FCHO2: variants seen among roughly 807,000 people sequenced by gnomAD.
FCHO2 encodes the protein F-BAR domain only protein 2.
Under a neutral mutation model 114.1 loss-of-function variants are expected in FCHO2, and 43 were observed. The ratio of observed to expected loss-of-function variants is 0.38; its 90% CI spans 0.30 to 0.49. The LOEUF (loss-of-function observed/expected upper bound fraction) is 0.49. Ranked by LOEUF, FCHO2 falls within the 20% of genes least tolerant of loss-of-function variation. The pLI, the probability that FCHO2 is intolerant of heterozygous loss-of-function variation, is 0.97. For missense variants in FCHO2, 807 were observed against 950.4 expected, an observed-to-expected ratio of 0.85 and a Z score of 1.98; for synonymous variants, 293 against 315.2, an observed-to-expected ratio of 0.93 and a Z score of 0.75.
intron 8 of FCHO2, among the ~76,000 whole-genome samples, chr5:73,031,774 G>A (rs1170639385): frequency 2.0e-5 from 3 of 152,162 alleles, no homozygotes; most frequent in Non-Finnish European, 2.9e-5. Flanking sequence ...TTAAAATAAT[G>A]TGTAAAAGAG....
chr5:73,058,778 A>G (rs976053817), intron 17 of FCHO2, among the ~76,000 whole-genome samples: 1 of 152,118 alleles, frequency 6.6e-6, no homozygotes, highest in African/African-American at 2.4e-5. Flanking sequence ...ATCATTATCC[A>G]AATAATAATT....
intron 19 of FCHO2, among the ~76,000 whole-genome samples, chr5:73,070,210 G>C (rs1742567376): frequency 6.6e-6 from 1 of 152,054 alleles, no homozygotes; most frequent in Non-Finnish European, 1.5e-5. Context: ...TTTAATTCCA[G>C]TTGATTTGTC....
intron 6 of FCHO2, among the ~76,000 whole-genome samples, chr5:73,009,433 G>A (rs1754883469): frequency 6.6e-6 from 1 of 152,202 alleles, no homozygotes; most frequent in Non-Finnish European, 1.5e-5. Context: ...AAAAAAGAGC[G>A]TTCAGCACAT....
At chr5:73,086,739 TC>T (rs1248734445) in intron 24 of FCHO2, among the ~76,000 whole-genome samples, 1 of 152,140 alleles carries the variant, frequency 6.6e-6, no homozygotes, top group African/African-American at 2.4e-5. Flanking sequence ...TTTGGTGACT[TC>T]CCATGGTTAC....
chr5:72,994,738 TAAAG>T (rs141814151), intron 5 of FCHO2, among the ~76,000 whole-genome samples: 258 of 152,328 alleles, frequency 1.7e-3, no homozygotes, highest in African/African-American at 5.5e-3. Flanking sequence ...TGACATTTGA[TAAAG>T]AAAATGTGGT....
At chr5:73,028,382 C>T (rs1450301426) in intron 8 of FCHO2, among the ~76,000 whole-genome samples, 1 of 152,070 alleles carries the variant, frequency 6.6e-6, no homozygotes, top group Non-Finnish European at 1.5e-5. Context: ...GGCATTTACC[C>T]AAGAGAAAAG....
rs1758011633 is a variant in FCHO2, at chr5:73,065,288, T to TG, written c.1449+1345dup. 2.0e-5 allele frequency among the ~76,000 whole-genome samples: 3 copies of TG among 148,932 alleles called. No homozygotes were observed. The South Asian group carries it at 6.5e-4, about 32-fold the overall frequency. ...GAACTTTGAGTACATTCTAATAAAT[T>TG]GATTTTTTTTTCCTGATTGTAAAAA... On this transcript the variant is annotated intron_variant, in intron 18 of 25. Transcript: ENST00000430046.
rs182871713 is a variant in FCHO2, at chr5:73,014,446, G to A, written c.601-1180G>A. Reference sequence around the variant, plus strand: ...TGGGATTACAGGCACGCGCCACCACGCCTGGCTAATTTTTTGTATTTTGAG... The same window carrying A: ...TGGGATTACAGGCACGCGCCACCACACCTGGCTAATTTTTTGTATTTTGAG... On this transcript the variant is annotated intron_variant, in intron 6 of 25. Coordinates refer to ENST00000430046, the MANE Select transcript of FCHO2 (RefSeq NM_138782.3). 3.8e-3 allele frequency among the ~76,000 whole-genome samples: 581 copies of A among 151,552 alleles called. 2 individuals are homozygous for A. The highest frequency in any genetic ancestry group is 0.013 in the African/African-American group (545 of 41,350).
intron 1 of FCHO2, among the ~76,000 whole-genome samples, chr5:72,964,634 C>T (rs1443355109): frequency 6.6e-6 from 1 of 152,102 alleles, no homozygotes. Context: ...GTGATCCACC[C>T]ACCTTGGCCT....
At chr5:72,976,026 G>T (rs543925897) in intron 2 of FCHO2, among the ~76,000 whole-genome samples, 41 of 152,202 alleles carry the variant, frequency 2.7e-4, no homozygotes, top group African/African-American at 8.4e-4. Context: ...TATATGGAAA[G>T]AATATGTTTA....
In FCHO2 at chr5:73,017,204, T is replaced by C. The variant is rs186041659; in HGVS notation, c.700-8T>C. On this transcript the variant is annotated splice_region_variant and splice_polypyrimidine_tract_variant and intron_variant, in intron 7 of 25. Coordinates refer to ENST00000430046, the MANE Select transcript of FCHO2 (RefSeq NM_138782.3). ...AAAGAAAAAGTTATCTTTATTTCAT[T>C]TTAATAGGTCCATGAAGAATTTATA... The C allele has an allele frequency of 5.2e-5, 74 of 1,430,916 alleles. 1 individual carries two copies. The African/African-American group carries it at 6.8e-4, about 13-fold the overall frequency. 88.6% of individuals were successfully genotyped at this position (1,430,916 alleles called of 1,614,324 possible). A position where few individuals can be genotyped will look rare whatever the true frequency, so the allele number is the denominator to read the frequency against.
rs1441952219 is a variant in FCHO2 at position 73,063,866 on chromosome 5, A to G, written c.1371A>G (p.Val457=). The G allele has an allele frequency of 3.7e-6, 6 of 1,611,876 alleles. No homozygotes were observed. Among genetic ancestry groups the G allele is most frequent in the Non-Finnish European group, 5.1e-6 (6 of 1,178,826 alleles). Residue 457 remains valine (V), a synonymous_variant, in exon 18 of 26, where the codon GTA becomes GTG. Transcript: ENST00000430046. ...SSARPTTPLS[V]GTIVPPPRPA... ...CCAGGCCCACAACTCCTCTTTCTGT[A>G]GGCACCATTGTCCCACCTCCGAGGC... is the stretch of plus-strand genomic sequence containing the variant.
chr5:72,990,358 C>A (rs543311422), intron 3 of FCHO2, 120 bp from the exon 4 acceptor site: 271 of 699,042 alleles, frequency 3.9e-4, no homozygotes, highest in Non-Finnish European at 5.7e-4. Context: ...ATTTTAATTT[C>A]ATCTTTTGCC....
At chr5:73,034,051 C>T (rs576559957) in intron 8 of FCHO2, among the ~76,000 whole-genome samples, 127 of 152,252 alleles carry the variant, frequency 8.3e-4, no homozygotes, top group African/African-American at 3.0e-3. Context: ...GTTCACATTC[C>T]TTGACCTGCT....
intron 11 of FCHO2, among the ~76,000 whole-genome samples, chr5:73,049,832 T>TTGTG (rs760914774): frequency 6.6e-6 from 1 of 151,828 alleles, no homozygotes; most frequent in East Asian, 1.9e-4. Context: ...TCTAAACAAA[T>TTGTG]TGTGTGTGTG....
At chr5:73,030,486 C>T (rs1170188449) in intron 8 of FCHO2, among the ~76,000 whole-genome samples, 1 of 152,218 alleles carries the variant, frequency 6.6e-6, no homozygotes, top group Non-Finnish European at 1.5e-5. Context: ...AATCCTATCC[C>T]AGTCCTACTG....
chr5:73,055,266 A>C (rs1757537535), intron 15 of FCHO2, among the ~76,000 whole-genome samples: 2 of 152,186 alleles, frequency 1.3e-5, no homozygotes, highest in African/African-American at 4.8e-5. Context: ...TGAGAGCAAA[A>C]TGCAGAAATA....
At chr5:73,036,521 G>A (rs1276222135) in intron 9 of FCHO2, among the ~76,000 whole-genome samples, 1 of 151,556 alleles carries the variant, frequency 6.6e-6, no homozygotes, top group African/African-American at 2.4e-5. Context: ...CCACAGGCGC[G>A]CACCACCACA....
At chr5:72,960,105 A>T (rs1182276920) in intron 1 of FCHO2, among the ~76,000 whole-genome samples, 2 of 152,228 alleles carry the variant, frequency 1.3e-5, no homozygotes, top group African/African-American at 4.8e-5. Context: ...TAATCAAACA[A>T]CCTATTAATT....
Sources: gnomAD v4.1 joint callset for allele counts (sites outside exome capture counted in the v4.1 genomes callset) on GRCh38, gnomAD v4.1.1 for gene constraint, MANE v1.5 for transcripts, NCBI Gene and HGNC (gene_info 2026-07-23, HGNC 2026-07-21) for gene names.